The following AGRN variants were observed in gnomAD, a reference collection of about 807,000 sequenced individuals.
The protein encoded by AGRN is agrin.
AGRN carries 106 observed loss-of-function variants against 211.0 expected under a neutral mutation model. That is an observed-to-expected ratio of 0.50 (90% CI 0.43 to 0.59). The LOEUF (loss-of-function observed/expected upper bound fraction) is 0.59. AGRN is among the 20% of genes least tolerant of loss of function. The probability of loss-of-function intolerance (pLI) is 0.00; values close to 1 mark genes in which losing one functional copy is unlikely to be tolerated. For synonymous variants in AGRN, 1,525 were observed against 1,332.5 expected (o/e 1.14, Z -3.15); for missense variants, 3,040 against 2,982.6 (o/e 1.02, Z -0.45).
At position 1,045,157 on chromosome 1, in the gene AGRN, G is replaced by A. The variant is rs1570215835; in HGVS notation, c.2255-4G>A. The stretch of plus-strand genomic sequence containing the variant: ...AAATCTGAGTCCCGTACCCTTTCCT[G>A]CAGGCCCCACCTTCGCCCCGCTGCC... On this transcript the variant is annotated splice_region_variant and splice_polypyrimidine_tract_variant and intron_variant, in intron 12 of 35. Coordinates refer to ENST00000379370, the MANE Select transcript of AGRN (RefSeq NM_198576.4). 1 of 1,611,820 alleles carries A rather than the reference G, an allele frequency of 6.2e-7. No homozygotes were observed.
intron 2 of AGRN, chr1:1,034,757 C>G: frequency 2.0e-6 from 2 of 1,015,042 alleles, no homozygotes; most frequent in Non-Finnish European, 2.4e-6. Context: ...CCCGAGGCCC[C>G]TGCACATAGA....
chr1:1,033,490 C>T (rs894703942), intron 2 of AGRN, among the ~76,000 whole-genome samples: 1 of 151,736 alleles, frequency 6.6e-6, no homozygotes. Flanking sequence ...GCGCTTCCTC[C>T]TCCCGCGACC....
intron 3 of AGRN, 126 bp downstream of exon 3, chr1:1,035,450 A>C: frequency 7.6e-7 from 1 of 1,312,618 alleles, no homozygotes; most frequent in Non-Finnish European, 1.1e-6. Context: ...GGACAAGGGC[A>C]CCTGCGTCTG....
Position 1,043,709 on chromosome 1 carries a change from A to G in AGRN, c.1775A>G (p.His592Arg), listed in dbSNP as rs1184401483. ...GCCTGCACACACCAGATCAGCCTGC[A>G]CGTGGCCTCAGCTGGACCCTGTGGT... ...VHACTHQISL[H>R]VASAGPCETC... Residue 592 changes from histidine to arginine, a missense_variant, in exon 9 of 36, where the codon CAC becomes CGC. His to Arg is a conservative substitution (Grantham distance 29). Around this residue, in one of 3 missense-constraint regions of AGRN, gnomAD observed 1,498 missense variants for 1,457.8 expected, o/e 1.03. Transcript: ENST00000379370. The G allele has an allele frequency of 6.2e-7, 1 of 1,600,742 alleles. No homozygotes were observed. The highest frequency in any genetic ancestry group is 1.7e-5 in the Admixed American group (1 of 60,016).
At chr1:1,035,660 C>G (rs1157461751) in intron 3 of AGRN, among the ~76,000 whole-genome samples, 1 of 152,212 alleles carries the variant, frequency 6.6e-6, no homozygotes, top group Non-Finnish European at 1.5e-5. Context: ...GGGGGCTCCG[C>G]TCTATTGTCC....
Position 1,051,235 on chromosome 1 carries a change from T to TA in AGRN, c.5254-17dup, listed in dbSNP as rs1217186208. On this transcript the variant is annotated splice_polypyrimidine_tract_variant and intron_variant, in intron 30 of 35. Transcript: ENST00000379370. ...CGTGGGTGGGCTCTGCACAGCCACT[T>TA]ACCTGGCGTCCCCGCAGGTTCCGCA... 2 of 1,578,684 alleles carry TA rather than the reference T, an allele frequency of 1.3e-6. No homozygotes were observed. The highest frequency in any genetic ancestry group is 1.8e-5 in the Admixed American group (1 of 55,242).
chr1:1,049,309 G>A lies in AGRN; in HGVS notation c.4372G>A (p.Glu1458Lys). The change falls in exon 25 of 36, where the codon GAG becomes AAG. Residue 1458 changes from glutamate (E) to lysine (K), a missense_variant. Transcript: ENST00000379370. The part of the protein sequence containing the change: ...PVEPGQWHRL[E>K]LSRHWRRGTL... ...AGAGCCGGGCCAGTGGCACCGCCTGGAGCTGTCCCGGCACTGGCGCCGGGG... is the reference window on the plus strand; with the variant it reads ...AGAGCCGGGCCAGTGGCACCGCCTGAAGCTGTCCCGGCACTGGCGCCGGGG... 1 of 1,597,652 alleles carries A rather than the reference G, an allele frequency of 6.3e-7. No homozygotes were observed. Among genetic ancestry groups the A allele is most frequent in the Non-Finnish European group, 8.5e-7 (1 of 1,179,070 alleles).
chr1:1,027,461 C>T lies in AGRN; in HGVS notation c.463+4999C>T, dbSNP rs149936437. Among the ~76,000 whole-genome samples, 84 of 152,272 alleles carry T rather than the reference C, an allele frequency of 5.5e-4. 1 individual carries two copies. Among genetic ancestry groups the T allele is most frequent in the African/African-American group, 1.9e-3 (79 of 41,544 alleles). ...CGGAGCTGGGCTCTTCCTCTGTCCT[C>T]GTGCACGTGTCTCGCCTCAGCTTGC... On this transcript the variant is annotated intron_variant, in intron 2 of 35. Transcript: ENST00000379370.
At chr1:1,054,054 C>G (rs1316328591) in intron 34 of AGRN, 77 bp downstream of exon 34, 6 of 1,473,426 alleles carry the variant, frequency 4.1e-6, no homozygotes. Context: ...TGTCCAGTCA[C>G]TTGTGACCAG....
rs142440782 is a variant in AGRN at position 1,043,572 on chromosome 1, C to G, written c.1638C>G (p.Cys546Trp). ...GGCAGTGCCGCTTTGGAGCCCTGTGCGAGGCCGAGACCGGGCGCTGCGTGT... is the reference window on the plus strand; with the variant it reads ...GGCAGTGCCGCTTTGGAGCCCTGTGGGAGGCCGAGACCGGGCGCTGCGTGT... ...RCGQCRFGAL[C>W]EAETGRCVCP... is the part of the protein sequence containing the mutation. The change falls in exon 9 of 36, where the codon TGC (cysteine) becomes TGG (tryptophan). Residue 546 changes from cysteine (C) to tryptophan (W), a missense_variant. By Grantham distance (215) the Cys-to-Trp change is radical. This residue lies in a region of AGRN where 1,498 missense variants were observed against 1,457.8 expected (regional missense o/e 1.03). Coordinates refer to ENST00000379370, the MANE Select transcript of AGRN (RefSeq NM_198576.4). The G allele has an allele frequency of 1.9e-6, 3 of 1,605,050 alleles. No individual in the cohort carries two copies. The highest frequency in any genetic ancestry group is 2.5e-6 in the Non-Finnish European group (3 of 1,179,792).
rs867529558 is a variant in AGRN, at chr1:1,050,063, A to G, written c.4879+26A>G. ...GTCGGGGGCGTGGGGCTCTCGGGGC[A>G]GGGGGGGGGGGGGGGTTGAACGTTT... On this transcript the variant is annotated intron_variant, in intron 27 of 35. Coordinates refer to ENST00000379370, the MANE Select transcript of AGRN (RefSeq NM_198576.4). 1.4e-4 allele frequency: 140 copies of G among 1,027,886 alleles called. No homozygotes were observed. In the African/African-American group the frequency reaches 1.9e-3, roughly 14 times the overall value. The allele number at this position is 1,027,886 out of a possible 1,614,324, so 63.7% of individuals were successfully genotyped here.
intron 2 of AGRN, chr1:1,034,185 C>A (rs1341332845): frequency 1.0e-6 from 1 of 985,410 alleles, no homozygotes; most frequent in African/African-American, 1.7e-5. Context: ...GCGCACCTGC[C>A]GCGCGCACCG....
chr1:1,027,696 C>G (rs536306963), intron 2 of AGRN, among the ~76,000 whole-genome samples: 42 of 152,286 alleles, frequency 2.8e-4, no homozygotes, highest in African/African-American at 9.1e-4. Context: ...GCCTGCGGGA[C>G]CTCGAGACTG....
In AGRN at chr1:1,048,050, G is replaced by T. The variant is rs973444656; in HGVS notation, c.3790G>T (p.Ala1264Ser). ...GTTTATCACGGGGGCCACGTCAGGA[G>T]CCATTGCTGCGGGAGCCACGGCCAG... Reference protein sequence around the residue: ...PAFITGATSGAIAAGATARAT... With the variant: ...PAFITGATSGSIAAGATARAT... Residue 1264 changes from alanine to serine, a missense_variant, in exon 23 of 36, where the codon GCC (alanine) becomes TCC (serine). Around this residue, in one of 3 missense-constraint regions of AGRN, gnomAD observed 1,537 missense variants for 1,505.0 expected, o/e 1.02. Coordinates refer to ENST00000379370, the MANE Select transcript of AGRN (RefSeq NM_198576.4). This position sits in a 1 kb window ranked among gnomAD's most constrained non-coding sequence, Gnocchi z 5.9. The T allele has an allele frequency of 8.2e-6, 13 of 1,585,934 alleles. No homozygotes were observed. Among genetic ancestry groups the T allele is most frequent in the South Asian group, 4.5e-5 (4 of 88,514 alleles).
chr1:1,035,212 C>G, intron 2 of AGRN, 65 bp from the exon 3 acceptor site: 1 of 1,560,674 alleles, frequency 6.4e-7, no homozygotes, highest in Non-Finnish European at 8.8e-7. Flanking sequence ...CCAGGCTGGG[C>G]AAAGGGATGG....
Position 1,047,608 on chromosome 1 carries a change from G to C in AGRN, c.3552G>C (p.Lys1184Asn). The part of the protein sequence containing the change: ...DDLFRNSDVK[K>N]DFRSVRLRDL... Reference sequence around the variant, plus strand: ...TCTTCCGGAATTCAGACGTCAAGAAGGATTTTCGGAGTGTCCGCTTGCGGG... The same window carrying C: ...TCTTCCGGAATTCAGACGTCAAGAACGATTTTCGGAGTGTCCGCTTGCGGG... The change falls in exon 21 of 36, where the codon AAG becomes AAC. Residue 1184 changes from lysine to asparagine, a missense_variant. By Grantham distance (94) the Lys-to-Asn change is moderately conservative. Around this residue, in one of 3 missense-constraint regions of AGRN, gnomAD observed 1,537 missense variants for 1,505.0 expected, o/e 1.02. Coordinates refer to ENST00000379370, the MANE Select transcript of AGRN (RefSeq NM_198576.4). 1 of 1,613,006 alleles carries C rather than the reference G, an allele frequency of 6.2e-7. No individual in the cohort carries two copies. Among genetic ancestry groups the C allele is most frequent in the South Asian group, 1.1e-5 (1 of 91,090 alleles).
chr1:1,045,553 G>A (rs772570908), intron 14 of AGRN, 30 bp downstream of exon 14: 62 of 1,610,460 alleles, frequency 3.8e-5, no homozygotes, highest in Admixed American at 5.0e-5. Context: ...ACTGGCCACC[G>A]GCTATGCCCT....
At chr1:1,050,071 G>GAA (rs781127246) in intron 27 of AGRN, 34 bp downstream of exon 27, 3 of 1,504,224 alleles carry the variant, frequency 2.0e-6, no homozygotes, top group East Asian at 2.5e-5. Context: ...GCAGGGGGGG[G>GAA]GGGGGGGTTG....
Position 1,028,329 on chromosome 1 carries a change from C to A in AGRN, c.463+5867C>A, listed in dbSNP as rs977828284. Among the ~76,000 whole-genome samples the A allele has an allele frequency of 7.0e-5, 10 of 142,256 alleles. No homozygotes were observed. The South Asian group carries it at 9.8e-4, about 14-fold the overall frequency. The allele number at this position is 142,256 out of a possible 152,430, so 93.3% of individuals were successfully genotyped here. The stretch of plus-strand genomic sequence containing the variant: ...TCTCCCGTGGGGAAACGCCCCCCCC[C>A]CCCCCCCGCCCTGCACCTGGCTGGC... On this transcript the variant is annotated intron_variant, in intron 2 of 35. Coordinates refer to ENST00000379370, the MANE Select transcript of AGRN (RefSeq NM_198576.4).
Sources: gnomAD v4.1 joint callset for allele counts (sites outside exome capture counted in the v4.1 genomes callset) on GRCh38, gnomAD v4.1.1 for gene constraint, gnomAD v4.1.1 regional missense constraint, Gnocchi (gnomAD v3.1) non-coding constraint, MANE v1.5 for transcripts, NCBI Gene and HGNC (gene_info 2026-07-23, HGNC 2026-07-21) for gene names.